Variants in FRMD4B observed in about 807,000 individuals in gnomAD.
FRMD4B encodes FERM domain-containing protein 4B.
Under a neutral mutation model 141.5 loss-of-function variants are expected in FRMD4B, and 74 were observed. The observed-to-expected ratio is 0.52, with a 90% CI of 0.43 to 0.63. FRMD4B has a LOEUF of 0.63. FRMD4B is among the 30% of genes least tolerant of loss of function. The pLI is 0.00. For missense variants in FRMD4B, 1,366 were observed against 1,253.4 expected (o/e 1.09, Z -1.36); for synonymous variants, 506 against 467.9 (o/e 1.08, Z -1.05).
At chr3:69,481,863 A>C (rs1706130111) in intron 1 of FRMD4B, among the ~76,000 whole-genome samples, 1 of 152,204 alleles carries the variant, frequency 6.6e-6, no homozygotes, top group Non-Finnish European at 1.5e-5. Flanking sequence ...ACTAGAGTAT[A>C]AAACAGTGGC....
intron 5 of FRMD4B, among the ~76,000 whole-genome samples, chr3:69,271,287 A>G (rs2093593282): frequency 6.6e-6 from 1 of 152,240 alleles, no homozygotes; most frequent in African/African-American, 2.4e-5. Context: ...CAGTGAACAA[A>G]TAATTCAGCC....
At chr3:69,525,817 T>C (rs887997239) in intron 1 of FRMD4B, among the ~76,000 whole-genome samples, 2 of 150,322 alleles carry the variant, frequency 1.3e-5, no homozygotes, top group African/African-American at 4.9e-5. Flanking sequence ...CATGCCTGGC[T>C]AAGTTTTGTA....
intron 1 of FRMD4B, among the ~76,000 whole-genome samples, chr3:69,339,306 G>A (rs1313828725): frequency 6.6e-6 from 1 of 152,170 alleles, no homozygotes; most frequent in African/African-American, 2.4e-5. Context: ...ATGTGGGGAG[G>A]CGACACAGTG....
intron 2 of FRMD4B, among the ~76,000 whole-genome samples, 154 bp from the exon 3 acceptor site, chr3:69,311,511 G>C (rs1174391924): frequency 5.9e-5 from 9 of 152,106 alleles, no homozygotes; most frequent in Admixed American, 5.9e-4. Context: ...ATGTACTATA[G>C]ACAATTCTTT....
intron 13 of FRMD4B, 102 bp from the exon 14 acceptor site, chr3:69,196,498 T>C: frequency 2.1e-6 from 2 of 940,268 alleles, no homozygotes; most frequent in Non-Finnish European, 3.2e-6. Context: ...CAGAGGATAA[T>C]TTAGAATTTT....
chr3:69,177,155 T>G (rs2092655531), intron 21 of FRMD4B, among the ~76,000 whole-genome samples: 1 of 152,020 alleles, frequency 6.6e-6, no homozygotes, highest in South Asian at 2.1e-4. Context: ...CTGGCCAACA[T>G]GGTGAAACCC....
At chr3:69,300,737 G>T (rs1033558148) in intron 4 of FRMD4B, among the ~76,000 whole-genome samples, 7 of 151,988 alleles carry the variant, frequency 4.6e-5, no homozygotes, top group Non-Finnish European at 8.8e-5. Flanking sequence ...GGTTTTTTTT[G>T]TTTTTGTTTT....
At chr3:69,368,835 A>AT (rs1251133311) in intron 1 of FRMD4B, among the ~76,000 whole-genome samples, 4 of 152,016 alleles carry the variant, frequency 2.6e-5, no homozygotes, top group Non-Finnish European at 4.4e-5. Context: ...TTTTTTGGGT[A>AT]TTTTTTGTAG....
chr3:69,463,279 G>A (rs948247948), intron 1 of FRMD4B, among the ~76,000 whole-genome samples: 1 of 152,160 alleles, frequency 6.6e-6, no homozygotes, highest in Admixed American at 6.5e-5. Context: ...AATGACAATC[G>A]TAGAATCTAA....
chr3:69,539,144 C>T (rs6798211), intron 1 of FRMD4B, among the ~76,000 whole-genome samples: 29,158 of 152,142 alleles, frequency 0.19, 3,030 homozygotes, highest in African/African-American at 0.27. Context: ...TGTAAGATAA[C>T]TATGAAGATT....
intron 1 of FRMD4B, among the ~76,000 whole-genome samples, chr3:69,433,382 T>A (rs576894932): frequency 6.6e-6 from 1 of 152,320 alleles, no homozygotes; most frequent in East Asian, 1.9e-4. Flanking sequence ...CTTTGTCACT[T>A]GTGAGGTCAC....
At chr3:69,306,428 A>G (rs1267884169) in intron 3 of FRMD4B, 1 of 152,250 alleles carries the variant, frequency 6.6e-6, no homozygotes, top group East Asian at 1.9e-4. Flanking sequence ...TTCTTGGTAA[A>G]CAAAGCTTAT....
At chr3:69,296,384 C>T (rs1429360083) in intron 4 of FRMD4B, among the ~76,000 whole-genome samples, 2 of 151,932 alleles carry the variant, frequency 1.3e-5, no homozygotes, top group South Asian at 2.1e-4. Flanking sequence ...ATATCATGAT[C>T]GAGCATGTGC....
At chr3:69,396,287 G>T (rs1016691823) in intron 2 of FRMD4B, among the ~76,000 whole-genome samples, 1 of 152,094 alleles carries the variant, frequency 6.6e-6, no homozygotes, top group East Asian at 1.9e-4. Flanking sequence ...TGGGTGGATT[G>T]CTTGAGGTCG....
chr3:69,304,736 T>C (rs938370953), intron 3 of FRMD4B, among the ~76,000 whole-genome samples: 2 of 152,178 alleles, frequency 1.3e-5, no homozygotes, highest in Non-Finnish European at 2.9e-5. Flanking sequence ...CATTTTAGGC[T>C]GTAAATTCCC....
In FRMD4B at chr3:69,459,007, C is replaced by T. The variant is rs182058052; in HGVS notation, c.-128-26246G>A. On this transcript the variant is annotated intron_variant, in intron 1 of 5. Transcript: ENST00000459638. Reference sequence around the variant, plus strand: ...CTCAGAAGAATCTGATCCTTACAAACCTCTAGGGCACACATGCTTCCTGAG... The same window carrying T: ...CTCAGAAGAATCTGATCCTTACAAATCTCTAGGGCACACATGCTTCCTGAG... Among the ~76,000 whole-genome samples, 65 of 152,292 alleles carry T rather than the reference C, an allele frequency of 4.3e-4. 1 individual carries two copies. In the East Asian group the frequency reaches 0.011, roughly 26 times the overall value.
intron 1 of FRMD4B, among the ~76,000 whole-genome samples, chr3:69,474,039 C>T (rs886825506): frequency 5.3e-5 from 8 of 152,178 alleles, no homozygotes; most frequent in Non-Finnish European, 1.0e-4. Context: ...CTACCGTCAT[C>T]CAAGTTCTCT....
chr3:69,204,471 C>T (rs1481676917), intron 11 of FRMD4B, among the ~76,000 whole-genome samples: 2 of 152,168 alleles, frequency 1.3e-5, no homozygotes, highest in Non-Finnish European at 2.9e-5. Flanking sequence ...CAGTGTATGA[C>T]TATACATCAG....
chr3:69,304,187 A>C (rs1701312863), intron 3 of FRMD4B, among the ~76,000 whole-genome samples: 1 of 150,660 alleles, frequency 6.6e-6, no homozygotes. Context: ...AAAAAAAAAA[A>C]AAAAAAGGCC....
Sources: gnomAD v4.1 joint callset for allele counts (sites outside exome capture counted in the v4.1 genomes callset) on GRCh38, gnomAD v4.1.1 for gene constraint, MANE v1.5 for transcripts, NCBI Gene and HGNC (gene_info 2026-07-23, HGNC 2026-07-21) for gene names.